RAB4A: variants seen among roughly 807,000 people sequenced by gnomAD.
RAB4A encodes the protein ras-related protein Rab-4A.
RAB4A carries 20 observed loss-of-function variants against 34.5 expected under a neutral mutation model. The observed-to-expected ratio is 0.58, with a 90% CI of 0.41 to 0.84. The LOEUF (loss-of-function observed/expected upper bound fraction) is 0.84. Ranked by LOEUF, RAB4A falls within the 40% of genes least tolerant of loss-of-function variation. RAB4A has a pLI of 0.00. For synonymous variants in RAB4A, 102 were observed against 100.0 expected, an observed-to-expected ratio of 1.02 and a Z score of -0.12; for missense variants, 228 against 274.5, an observed-to-expected ratio of 0.83 and a Z score of 1.20.
At chr1:229,279,767 T>G (rs1325246773) in intron 1 of RAB4A, among the ~76,000 whole-genome samples, 1 of 152,238 alleles carries the variant, frequency 6.6e-6, no homozygotes, top group East Asian at 1.9e-4. Context: ...TTTTAGATTT[T>G]CTGTTTTGGG....
In RAB4A at chr1:229,305,372, G is replaced by C; in HGVS notation, c.*1579G>C. 2.3e-6 allele frequency: 3 copies of C among 1,278,808 alleles called. No individual in the cohort carries two copies. The highest frequency in any genetic ancestry group is 3.2e-6 in the Non-Finnish European group (3 of 951,188). 79.2% of individuals were successfully genotyped at this position (1,278,808 alleles called of 1,614,324 possible). A position where few individuals can be genotyped will look rare whatever the true frequency, so the allele number is the denominator to read the frequency against. On this transcript the variant is annotated 3_prime_UTR_variant, in exon 8 of 8. Transcript: ENST00000366690. ...GGAGCATGTCTATTCTAACACATCAGCTTATTCAAAAGCAAGAATTTTAAA... is the reference window on the plus strand; with the variant it reads ...GGAGCATGTCTATTCTAACACATCACCTTATTCAAAAGCAAGAATTTTAAA...
At chr1:229,283,255 AGGG>A (rs1024338008) in intron 1 of RAB4A, among the ~76,000 whole-genome samples, 4 of 151,436 alleles carry the variant, frequency 2.6e-5, no homozygotes, top group African/African-American at 9.8e-5. Flanking sequence ...ACACTGTGCC[AGGG>A]GCACACAAGA....
intron 3 of RAB4A, among the ~76,000 whole-genome samples, chr1:229,295,542 G>T (rs1368790415): frequency 2.6e-5 from 4 of 152,166 alleles, no homozygotes; most frequent in African/African-American, 9.7e-5. Flanking sequence ...GAGCCCCTTA[G>T]TGTCCATCTA....
chr1:229,282,773 T>C (rs953505847), intron 1 of RAB4A, among the ~76,000 whole-genome samples: 2 of 152,198 alleles, frequency 1.3e-5, no homozygotes, highest in African/African-American at 4.8e-5. Flanking sequence ...AAATTTCTAT[T>C]TGGTTCTTCT....
chr1:229,277,068 A>G lies in RAB4A; in HGVS notation c.31+5698A>G, dbSNP rs889548038. Among the ~76,000 whole-genome samples, 5 of 146,716 alleles carry G rather than the reference A, an allele frequency of 3.4e-5. No homozygotes were observed. In the South Asian group the frequency reaches 8.4e-4, roughly 25 times the overall value. ...ATATATAATTATTTATAATTTATAT[A>G]TAATTATTTATATTTATATAAATTA... On this transcript the variant is annotated intron_variant, in intron 1 of 7. Transcript: ENST00000366690.
At chr1:229,295,536 C>T (rs2102851684) in intron 3 of RAB4A, among the ~76,000 whole-genome samples, 2 of 152,198 alleles carry the variant, frequency 1.3e-5, no homozygotes, top group Middle Eastern at 6.8e-3. Context: ...ATTGCTGAGC[C>T]CCTTAGTGTC....
chr1:229,298,084 AC>A lies in RAB4A; in HGVS notation c.445+449del, dbSNP rs531401501. ...TCATTTGGTTATAGACAACTTTGAA[AC>A]TTTTTTGAATTTCCATATAGAATAC... is the stretch of plus-strand genomic sequence containing the variant. On this transcript the variant is annotated intron_variant, in intron 5 of 7. Transcript: ENST00000366690. 3.4e-4 allele frequency among the ~76,000 whole-genome samples: 52 copies of A among 152,310 alleles called. No homozygotes were observed. The East Asian group carries it at 7.7e-3, about 23-fold the overall frequency.
intron 3 of RAB4A, 36 bp downstream of exon 3, chr1:229,288,879 A>T (rs925834563): frequency 3.2e-6 from 4 of 1,244,350 alleles, no homozygotes; most frequent in African/African-American, 3.0e-5. Flanking sequence ...ATATTTGAAA[A>T]TTTGATTTAA....
At chr1:229,290,326 A>G (rs1212456768) in intron 3 of RAB4A, among the ~76,000 whole-genome samples, 1 of 152,174 alleles carries the variant, frequency 6.6e-6, no homozygotes, top group Non-Finnish European at 1.5e-5. Context: ...GTGAAAATGA[A>G]AGCCTCTGGC....
At position 229,279,599 on chromosome 1, in the gene RAB4A, G is replaced by T. The variant is rs1372485868; in HGVS notation, c.32-6887G>T. Among the ~76,000 whole-genome samples the T allele has an allele frequency of 3.9e-5, 6 of 152,268 alleles. No homozygotes were observed. In the East Asian group the frequency reaches 9.6e-4, roughly 24 times the overall value. ...TTGGCTTTATGTTTGCTATTTCAGTGGCTAGGAGACCTTTTTTTCCTGGTC... is the reference window on the plus strand; with the variant it reads ...TTGGCTTTATGTTTGCTATTTCAGTTGCTAGGAGACCTTTTTTTCCTGGTC... On this transcript the variant is annotated intron_variant, in intron 1 of 7. Transcript: ENST00000366690.
intron 1 of RAB4A, among the ~76,000 whole-genome samples, chr1:229,279,689 C>A (rs1656733631): frequency 6.6e-6 from 1 of 152,102 alleles, no homozygotes; most frequent in South Asian, 2.1e-4. Flanking sequence ...TTATTTGATA[C>A]CTTTCCTATT....
At chr1:229,280,255 A>T (rs891404179) in intron 1 of RAB4A, among the ~76,000 whole-genome samples, 1 of 152,250 alleles carries the variant, frequency 6.6e-6, no homozygotes, top group Non-Finnish European at 1.5e-5. Flanking sequence ...CTGAGAGAAC[A>T]TGATGCATTC....
At chr1:229,283,706 C>G (rs1656836899) in intron 1 of RAB4A, among the ~76,000 whole-genome samples, 1 of 151,462 alleles carries the variant, frequency 6.6e-6, no homozygotes, top group South Asian at 2.1e-4. Context: ...CACTGGCCTT[C>G]TTTTGCTCCA....
At chr1:229,275,615 T>C (rs1179684035) in intron 1 of RAB4A, among the ~76,000 whole-genome samples, 1 of 113,014 alleles carries the variant, frequency 8.8e-6, no homozygotes, top group East Asian at 2.1e-4. Context: ...TTTCTTTTCC[T>C]TTTTTTTTTT....
intron 2 of RAB4A, among the ~76,000 whole-genome samples, chr1:229,287,655 C>A (rs1233920062): frequency 6.6e-6 from 1 of 152,100 alleles, no homozygotes; most frequent in East Asian, 1.9e-4. Flanking sequence ...ATGCCCCTGG[C>A]CTTTAGTTAC....
At chr1:229,293,754 G>T (rs190388566) in intron 3 of RAB4A, among the ~76,000 whole-genome samples, 45 of 152,102 alleles carry the variant, frequency 3.0e-4, no homozygotes, top group Non-Finnish European at 5.0e-4. Context: ...GATAGAGGGG[G>T]TCCACTGGAT....
chr1:229,290,188 A>G (rs929392750), intron 3 of RAB4A, among the ~76,000 whole-genome samples: 1 of 152,210 alleles, frequency 6.6e-6, no homozygotes, highest in African/African-American at 2.4e-5. Context: ...CAGGAGGTAG[A>G]GGTTACAGAG....
At chr1:229,279,223 C>T (rs749048393) in intron 1 of RAB4A, among the ~76,000 whole-genome samples, 14 of 152,206 alleles carry the variant, frequency 9.2e-5, no homozygotes, top group Non-Finnish European at 1.8e-4. Flanking sequence ...GCCATACATC[C>T]GTGCTTCCTT....
At chr1:229,294,294 T>C (rs1440610139) in intron 3 of RAB4A, among the ~76,000 whole-genome samples, 2 of 152,210 alleles carry the variant, frequency 1.3e-5, no homozygotes, top group Non-Finnish European at 2.9e-5. Context: ...GACCCAGCTC[T>C]GGGGAATCGC....
Sources: allele counts gnomAD v4.1 joint callset (sites outside exome capture counted in the v4.1 genomes callset), GRCh38; gene constraint gnomAD v4.1.1; transcripts MANE v1.5; gene names NCBI Gene and HGNC (gene_info 2026-07-23, HGNC 2026-07-21).